The following ABI3BP variants were observed in gnomAD, a reference collection of about 807,000 sequenced individuals.
The protein encoded by ABI3BP is ABI family member 3 binding protein.
Under a neutral mutation model 268.6 loss-of-function variants are expected in ABI3BP, and 216 were observed. That is an observed-to-expected ratio of 0.80 (90% confidence interval 0.72 to 0.90). The LOEUF is 0.90. ABI3BP is among the 40% of genes least tolerant of loss of function. The probability of loss-of-function intolerance (pLI) is 0.00; values close to 1 mark genes in which losing one functional copy is unlikely to be tolerated. For missense variants in ABI3BP, 2,090 were observed against 2,182.4 expected (o/e 0.96, Z 0.84); for synonymous variants, 730 against 730.0 (o/e 1.00, Z 0.00).
At chr3:100,862,013 T>C (rs965210185) in intron 14 of ABI3BP, among the ~76,000 whole-genome samples, 7 of 152,248 alleles carry the variant, frequency 4.6e-5, no homozygotes, top group African/African-American at 1.7e-4. Flanking sequence ...CTTATTTTGG[T>C]ACTGTTTTCC....
At chr3:100,894,956 A>AAAAAAAAAACAAAAACAAAC (rs2046806026) in intron 4 of ABI3BP, among the ~76,000 whole-genome samples, 1 of 131,440 alleles carries the variant, frequency 7.6e-6, no homozygotes, top group Non-Finnish European at 1.7e-5. Context: ...AAAAAAAAAA[A>AAAAAAAAAACAAAAACAAAC]AAAAAAAAAA....
intron 20 of ABI3BP, among the ~76,000 whole-genome samples, chr3:100,845,101 T>G (rs2098752090): frequency 6.6e-6 from 1 of 152,156 alleles, no homozygotes. Context: ...GAAACCTTAT[T>G]TAAATTTGGT....
At chr3:100,948,960 A>C (rs1432488841) in intron 1 of ABI3BP, among the ~76,000 whole-genome samples, 1 of 152,196 alleles carries the variant, frequency 6.6e-6, no homozygotes, top group Non-Finnish European at 1.5e-5. Context: ...TTAAAAAATT[A>C]TTCATTTAAT....
At chr3:100,937,430 C>T (rs1234143731) in intron 1 of ABI3BP, among the ~76,000 whole-genome samples, 1 of 152,002 alleles carries the variant, frequency 6.6e-6, no homozygotes, top group Non-Finnish European at 1.5e-5. Flanking sequence ...AACAGTTGAA[C>T]AGATAAACAT....
At chr3:100,844,349 C>T in intron 20 of ABI3BP, 1 of 985,410 alleles carries the variant, frequency 1.0e-6, no homozygotes, top group Non-Finnish European at 1.2e-6. Flanking sequence ...ACGAGGTAGA[C>T]AAGTTAAGAC....
At chr3:100,978,892 A>C (rs2087707339) in intron 1 of ABI3BP, among the ~76,000 whole-genome samples, 1 of 152,216 alleles carries the variant, frequency 6.6e-6, no homozygotes, top group Admixed American at 6.5e-5. Flanking sequence ...GAACAACTGA[A>C]TCAGAATCTG....
At chr3:100,979,886 G>T (rs192414997) in intron 1 of ABI3BP, among the ~76,000 whole-genome samples, 1 of 152,302 alleles carries the variant, frequency 6.6e-6, no homozygotes, top group Admixed American at 6.5e-5. Context: ...ATATGTTTTT[G>T]AAAATTTGTG....
rs372955521 is a variant in ABI3BP at position 100,911,089 on chromosome 3, G to C, written c.260-8403C>G. On this transcript the variant is annotated intron_variant, in intron 2 of 67. Coordinates refer to ENST00000471714, the MANE Select transcript of ABI3BP (RefSeq NM_001375547.2). Reference sequence around the variant, plus strand: ...ACTACTATCAGTATCTGTTTTACATGGTTTGTCTTATGTCTCTAACTGCTG... The same window carrying C: ...ACTACTATCAGTATCTGTTTTACATCGTTTGTCTTATGTCTCTAACTGCTG... 3.6e-5 allele frequency: 10 copies of C among 278,178 alleles called. No individual in the cohort carries two copies. The South Asian group carries it at 4.2e-4, about 12-fold the overall frequency. 17.2% of individuals were successfully genotyped at this position (278,178 alleles called of 1,614,324 possible). A position where few individuals can be genotyped will look rare whatever the true frequency, so the allele number is the denominator to read the frequency against.
chr3:100,803,301 T>C lies in ABI3BP; in HGVS notation c.3757+1491A>G, dbSNP rs572629995. Among the ~76,000 whole-genome samples the C allele has an allele frequency of 2.6e-3, 371 of 145,264 alleles. 48 individuals carry two copies. Among genetic ancestry groups the C allele is most frequent in the Non-Finnish European group, 4.3e-3 (275 of 64,008 alleles). ...TAGAGTTTGTATGAAAAGCAAGGTG[T>C]TGGTAGAATTAAGGCAAGTTTTTTT... On this transcript the variant is annotated intron_variant, in intron 51 of 67. Coordinates refer to ENST00000471714, the MANE Select transcript of ABI3BP (RefSeq NM_001375547.2).
chr3:100,804,455 A>G (rs907830864), intron 51 of ABI3BP, among the ~76,000 whole-genome samples: 17 of 152,142 alleles, frequency 1.1e-4, no homozygotes, highest in African/African-American at 4.1e-4. Flanking sequence ...TTTGTGGGGG[A>G]GAACAAAAGT....
chr3:100,931,521 CA>C (rs1363052921), intron 1 of ABI3BP, among the ~76,000 whole-genome samples: 3 of 152,094 alleles, frequency 2.0e-5, no homozygotes, highest in Admixed American at 2.0e-4. Flanking sequence ...GATACAAAAT[CA>C]ATGGACAAAA....
At chr3:100,906,023 A>G (rs2053274459) in intron 2 of ABI3BP, among the ~76,000 whole-genome samples, 1 of 152,162 alleles carries the variant, frequency 6.6e-6, no homozygotes, top group Non-Finnish European at 1.5e-5. Context: ...CAAGTCTACA[A>G]AATACTCTTT....
At chr3:100,766,353 G>T (rs556967684) in intron 62 of ABI3BP, among the ~76,000 whole-genome samples, 9 of 152,360 alleles carry the variant, frequency 5.9e-5, no homozygotes, top group Admixed American at 3.9e-4. Flanking sequence ...CATGTTCTCT[G>T]CTCTATGGGC....
At chr3:100,981,689 T>C (rs2089539312) in intron 1 of ABI3BP, among the ~76,000 whole-genome samples, 1 of 152,134 alleles carries the variant, frequency 6.6e-6, no homozygotes, top group Non-Finnish European at 1.5e-5. Context: ...TCTTCCAGAC[T>C]CCTTCAGGGA....
Position 100,782,854 on chromosome 3 carries a change from C to T in ABI3BP, c.4163-2645G>A, listed in dbSNP as rs80279554. On this transcript the variant is annotated intron_variant, in intron 57 of 67. Transcript: ENST00000471714. Reference sequence around the variant, plus strand: ...ATTGGCACCCAATTAGACAGTCTGGCCCAAGCTGTGACCTGACTTCTTTTT... The same window carrying T: ...ATTGGCACCCAATTAGACAGTCTGGTCCAAGCTGTGACCTGACTTCTTTTT... 8.3e-3 allele frequency among the ~76,000 whole-genome samples: 1,265 copies of T among 152,178 alleles called. 15 individuals carry two copies. Among genetic ancestry groups the T allele is most frequent in the African/African-American group, 0.03 (1,227 of 41,508 alleles).
At chr3:100,902,558 G>A in intron 3 of ABI3BP, 60 bp downstream of exon 3, 1 of 1,526,162 alleles carries the variant, frequency 6.6e-7, no homozygotes, top group Non-Finnish European at 9.0e-7. Flanking sequence ...GTCCAAAAGA[G>A]ATGAAAAGTC....
Position 100,808,169 on chromosome 3 carries a change from G to A in ABI3BP, c.3674C>T (p.Thr1225Ile), listed in dbSNP as rs1290011293. The change falls in exon 50 of 68, where the codon ACA (threonine) becomes ATA (isoleucine). Residue 1225 changes from threonine (T) to isoleucine (I), a missense_variant. Transcript: ENST00000471714. The part of the protein sequence containing the change: ...KTSPRPRIPQ[T>I]QPVPKVPQRV... ...GTAAAATATATATTTACCTGGTTGT[G>A]TTTGTGGGATTCTTGGGCGTGGTGA... 1.2e-6 allele frequency: 2 copies of A among 1,611,162 alleles called. No homozygotes were observed. The highest frequency in any genetic ancestry group is 1.1e-5 in the South Asian group (1 of 90,878).
chr3:100,773,201 TG>T (rs2096602335), intron 61 of ABI3BP, among the ~76,000 whole-genome samples: 1 of 151,932 alleles, frequency 6.6e-6, no homozygotes, highest in Non-Finnish European at 1.5e-5. Context: ...AGACACACAC[TG>T]GGAAAAAATA....
chr3:100,775,538 G>A lies in ABI3BP; in HGVS notation c.4334-203C>T, dbSNP rs72930658. ...ATCAGAGCATTATTATAGACATTGT[G>A]AAAAAGTACTAGATAACATCACAGA... On this transcript the variant is annotated intron_variant, in intron 59 of 67. Coordinates refer to ENST00000471714, the MANE Select transcript of ABI3BP (RefSeq NM_001375547.2). Among the ~76,000 whole-genome samples the A allele has an allele frequency of 8.5e-3, 1,288 of 152,210 alleles. 15 individuals carry two copies. The highest frequency in any genetic ancestry group is 0.018 in the African/African-American group (765 of 41,528).
Sources: allele counts gnomAD v4.1 joint callset (sites outside exome capture counted in the v4.1 genomes callset), GRCh38; gene constraint gnomAD v4.1.1; transcripts MANE v1.5; gene names NCBI Gene and HGNC (gene_info 2026-07-23, HGNC 2026-07-21).